The following WWOX variants were observed in gnomAD, a reference collection of about 807,000 sequenced individuals.
The protein encoded by WWOX is WW domain containing oxidoreductase, also known as WW domain-containing oxidoreductase.
In WWOX, 69 loss-of-function variants were observed where a neutral mutation model predicts 46.2. The ratio of observed to expected loss-of-function variants is 1.49; its 90% confidence interval spans 1.23 to 1.82. The LOEUF (loss-of-function observed/expected upper bound fraction) is 1.82, where lower values mean the gene tolerates loss of function less well. WWOX is among the 40% of genes most tolerant of loss of function. WWOX has a pLI of 0.00. For synonymous variants in WWOX, 359 were observed against 202.6 expected, an observed-to-expected ratio of 1.77 and a Z score of -6.56; for missense variants, 919 against 542.6, an observed-to-expected ratio of 1.69 and a Z score of -6.89.
rs951745092 is a variant in WWOX at position 78,963,018 on chromosome 16, T to C, written c.1057-248590T>C. On this transcript the variant is annotated intron_variant, in intron 8 of 8. Coordinates refer to ENST00000566780, the MANE Select transcript of WWOX (RefSeq NM_016373.4). ...GCCATCCTACCAACAGTTTGTATTA[T>C]GAAAAATTGCAGACGTACACAAAAG... Among the ~76,000 whole-genome samples, 10 of 152,326 alleles carry C rather than the reference T, an allele frequency of 6.6e-5. No homozygotes were observed. In the South Asian group the frequency reaches 1.9e-3, roughly 28 times the overall value.
chr16:78,999,729 G>A lies in WWOX; in HGVS notation c.1057-211879G>A, dbSNP rs556747958. On this transcript the variant is annotated intron_variant, in intron 8 of 8. Transcript: ENST00000566780. ...AGAGTTCTTGTGAAAGTGGGAGGGG[G>A]ATGAGGGTTGGAAAATTGCCTGTTA... is the stretch of plus-strand genomic sequence containing the variant. Among the ~76,000 whole-genome samples the A allele has an allele frequency of 3.9e-5, 6 of 152,302 alleles. No homozygotes were observed. The South Asian group carries it at 1.2e-3, about 32-fold the overall frequency.
chr16:78,933,707 G>C (rs1236668640), intron 8 of WWOX, among the ~76,000 whole-genome samples: 1 of 152,138 alleles, frequency 6.6e-6, no homozygotes, highest in African/African-American at 2.4e-5. Flanking sequence ...CTTGTGTAGG[G>C]AAACTCCTGT....
chr16:78,570,934 T>C (rs3853362), intron 8 of WWOX, among the ~76,000 whole-genome samples: 4 of 151,936 alleles, frequency 2.6e-5, no homozygotes, highest in Non-Finnish European at 4.4e-5. Context: ...GAAAAGTGTT[T>C]TGGGTAGAAG....
rs550889914 is a variant in WWOX at position 78,339,367 on chromosome 16, A to G, written c.517-47493A>G. ...TCTAAATCTCAGTTCCTTTTATTAG[A>G]AAAAAAAAAAAAAACAACTCCCCTG... On this transcript the variant is annotated intron_variant, in intron 5 of 8. Coordinates refer to ENST00000566780, the MANE Select transcript of WWOX (RefSeq NM_016373.4). 4.9e-4 allele frequency among the ~76,000 whole-genome samples: 34 copies of G among 68,792 alleles called. 10 individuals are homozygous for G. Among genetic ancestry groups the G allele is most frequent in the Non-Finnish European group, 7.3e-4 (26 of 35,570 alleles). The allele number at this position is 68,792 out of a possible 152,430, so 45.1% of individuals were successfully genotyped here.
chr16:78,108,395 T>C (rs1423135221), intron 1 of WWOX, 28 bp from the exon 2 acceptor site: 20 of 1,604,998 alleles, frequency 1.2e-5, no homozygotes, highest in Non-Finnish European at 1.5e-5. Context: ...TTTTTACTTA[T>C]TACTGTGGAT....
At chr16:78,892,020 C>G (rs975478996) in intron 8 of WWOX, 6 of 152,000 alleles carry the variant, frequency 3.9e-5, no homozygotes, top group South Asian at 2.1e-4. Flanking sequence ...TTTTAAAACT[C>G]CAGGCCTATA....
At chr16:78,689,301 T>C (rs1237543008) in intron 8 of WWOX, among the ~76,000 whole-genome samples, 1 of 152,220 alleles carries the variant, frequency 6.6e-6, no homozygotes, top group Non-Finnish European at 1.5e-5. Context: ...GCACGCCTTG[T>C]ATTTTTCTCT....
chr16:78,481,396 G>GGT (rs1415760067), intron 8 of WWOX, among the ~76,000 whole-genome samples: 1 of 152,010 alleles, frequency 6.6e-6, no homozygotes, highest in Non-Finnish European at 1.5e-5. Flanking sequence ...TTTCAATAGA[G>GGT]GTGAAAATCC....
At chr16:78,167,856 C>A (rs11150047) in intron 5 of WWOX, 36,149 of 152,024 alleles carry the variant, frequency 0.24, 4,430 homozygotes, top group Non-Finnish European at 0.28. Context: ...GGTCTACTTC[C>A]CTTCAGGTCC....
At chr16:78,940,204 T>G (rs1342044267) in intron 8 of WWOX, among the ~76,000 whole-genome samples, 2 of 152,220 alleles carry the variant, frequency 1.3e-5, no homozygotes, top group African/African-American at 2.4e-5. Context: ...ACACACATTA[T>G]AAATTCGAGT....
At chr16:79,052,041 T>G (rs1234374251) in intron 8 of WWOX, among the ~76,000 whole-genome samples, 6 of 148,556 alleles carry the variant, frequency 4.0e-5, no homozygotes, top group Non-Finnish European at 8.9e-5. Context: ...TATTTTAATT[T>G]TTTTTTTTTA....
chr16:79,022,558 CT>C (rs2047555558), intron 8 of WWOX, among the ~76,000 whole-genome samples: 1 of 152,068 alleles, frequency 6.6e-6, no homozygotes, highest in Non-Finnish European at 1.5e-5. Context: ...CCAATAATAT[CT>C]TTGCAGGACA....
intron 8 of WWOX, among the ~76,000 whole-genome samples, chr16:78,918,262 C>T (rs894274959): frequency 6.6e-6 from 1 of 152,050 alleles, no homozygotes; most frequent in Non-Finnish European, 1.5e-5. Flanking sequence ...AAAAATAAAA[C>T]ATAAGAAAAA....
At chr16:78,797,358 TA>T (rs57291441) in intron 8 of WWOX, among the ~76,000 whole-genome samples, 5,529 of 116,464 alleles carry the variant, frequency 0.047, 123 homozygotes, top group African/African-American at 0.073. Flanking sequence ...GTCAAAGTGG[TA>T]AAAAAAAAAA....
chr16:79,155,277 G>T (rs950225808), intron 8 of WWOX, among the ~76,000 whole-genome samples: 3 of 152,150 alleles, frequency 2.0e-5, no homozygotes, highest in African/African-American at 7.2e-5. Context: ...TCGGGAGGCC[G>T]AGGCAGGAGA....
intron 8 of WWOX, chr16:79,203,560 C>G (rs948653247): frequency 6.7e-6 from 1 of 148,224 alleles, no homozygotes; most frequent in Non-Finnish European, 1.5e-5. Flanking sequence ...ATGGGGCATA[C>G]GTGTAAATGA....
intron 8 of WWOX, among the ~76,000 whole-genome samples, chr16:78,597,682 C>G (rs950510270): frequency 2.0e-5 from 3 of 151,704 alleles, no homozygotes; most frequent in African/African-American, 7.3e-5. Flanking sequence ...ATTGTGGTGC[C>G]TCAGTGATCT....
chr16:78,396,390 C>G (rs556669503), intron 6 of WWOX, among the ~76,000 whole-genome samples: 1 of 152,168 alleles, frequency 6.6e-6, no homozygotes, highest in South Asian at 2.1e-4. Context: ...ATTAACCACA[C>G]CAATGTTCAC....
intron 1 of WWOX, among the ~76,000 whole-genome samples, chr16:78,102,907 C>G (rs920865769): frequency 6.6e-6 from 1 of 152,160 alleles, no homozygotes; most frequent in Non-Finnish European, 1.5e-5. Flanking sequence ...GCACTGGGCC[C>G]CAGAGTACAA....
Sources: gnomAD v4.1 joint callset for allele counts (sites outside exome capture counted in the v4.1 genomes callset) on GRCh38, gnomAD v4.1.1 for gene constraint, MANE v1.5 for transcripts, NCBI Gene and HGNC (gene_info 2026-07-23, HGNC 2026-07-21) for gene names.